JARID2: variants seen among roughly 807,000 people sequenced by gnomAD.
JARID2 encodes the protein jumonji and AT-rich interaction domain containing 2, also known as protein Jumonji.
Under a neutral mutation model 125.6 loss-of-function variants are expected in JARID2, and 21 were observed. That is an observed-to-expected ratio of 0.17 (90% CI 0.12 to 0.24). The LOEUF (loss-of-function observed/expected upper bound fraction) is 0.24, where lower values mean the gene tolerates loss of function less well. JARID2 is among the 10% of genes least tolerant of loss of function. The probability of loss-of-function intolerance (pLI) is 1.00; values close to 1 mark genes in which losing one functional copy is unlikely to be tolerated. For missense variants in JARID2, 1,303 were observed against 1,639.6 expected (o/e 0.79, Z 3.55); for synonymous variants, 736 against 661.6 (o/e 1.11, Z -1.73).
At chr6:15,275,289 AG>A (rs1013021817) in intron 1 of JARID2, among the ~76,000 whole-genome samples, 1 of 152,180 alleles carries the variant, frequency 6.6e-6, no homozygotes, top group African/African-American at 2.4e-5. Flanking sequence ...TTACATAGAC[AG>A]GGTTTTGGAT....
rs1256891926 is a variant in JARID2, at chr6:15,469,294, CTCTGTCTCTG to C, written c.670+580_670+589del. Among the ~76,000 whole-genome samples the C allele has an allele frequency of 2.0e-3, 141 of 71,330 alleles. 1 individual carries two copies. Among genetic ancestry groups the C allele is most frequent in the Middle Eastern group, 7.9e-3 (1 of 126 alleles). The allele number at this position is 71,330 out of a possible 152,430, so 46.8% of individuals were successfully genotyped here. On this transcript the variant is annotated intron_variant, in intron 5 of 17. Transcript: ENST00000341776. ...TCTCTCTGTCTCTCTGTCTCTGTCT[CTCTGTCTCTG>C]TCTCTCTCTCTCTGTCTCTCTCTCT...
At chr6:15,296,762 C>T (rs78723060) in intron 1 of JARID2, among the ~76,000 whole-genome samples, 9,784 of 152,300 alleles carry the variant, frequency 0.064, 364 homozygotes, top group East Asian at 0.1. Flanking sequence ...TGAGCTCTTA[C>T]TTCCTGACAG....
At chr6:15,303,269 A>C (rs1164305313) in intron 1 of JARID2, among the ~76,000 whole-genome samples, 1 of 152,246 alleles carries the variant, frequency 6.6e-6, no homozygotes, top group Non-Finnish European at 1.5e-5. Context: ...TTGAACATTC[A>C]TAGGCATCAC....
chr6:15,337,940 G>A (rs190614153), intron 1 of JARID2, among the ~76,000 whole-genome samples: 1 of 152,262 alleles, frequency 6.6e-6, no homozygotes, highest in African/African-American at 2.4e-5. Context: ...GGGTTCCGAG[G>A]CCAGGCAACA....
At chr6:15,470,360 G>A (rs1769016121) in intron 5 of JARID2, among the ~76,000 whole-genome samples, 1 of 152,180 alleles carries the variant, frequency 6.6e-6, no homozygotes, top group Non-Finnish European at 1.5e-5. Flanking sequence ...AGTGCTGTCT[G>A]TAAGTGATTG....
chr6:15,411,110 C>G (rs1444170629), intron 3 of JARID2, among the ~76,000 whole-genome samples: 11 of 151,866 alleles, frequency 7.2e-5, no homozygotes, highest in African/African-American at 2.2e-4. Context: ...TCCCTTTGTT[C>G]TCTTTATGTT....
chr6:15,441,580 A>G (rs1332289892), intron 3 of JARID2, among the ~76,000 whole-genome samples: 1 of 152,052 alleles, frequency 6.6e-6, no homozygotes, highest in Non-Finnish European at 1.5e-5. Context: ...GAGAGGGAGG[A>G]CATGTAAGAT....
At chr6:15,376,876 TCA>T (rs1764375972) in intron 2 of JARID2, among the ~76,000 whole-genome samples, 1 of 152,114 alleles carries the variant, frequency 6.6e-6, no homozygotes, top group Non-Finnish European at 1.5e-5. Context: ...CAGAGAAAGC[TCA>T]CACAGTAGGG....
rs575834575 is a variant in JARID2, at chr6:15,268,748, T to C, written c.45+22164T>C. Reference sequence around the variant, plus strand: ...GAAATTTTTAACATGGGAGAGCTTCTTCCTGTGCTTCAGTTGGCAGAATGC... The same window carrying C: ...GAAATTTTTAACATGGGAGAGCTTCCTCCTGTGCTTCAGTTGGCAGAATGC... On this transcript the variant is annotated intron_variant, in intron 1 of 17. Transcript: ENST00000341776. 2.6e-5 allele frequency among the ~76,000 whole-genome samples: 4 copies of C among 152,354 alleles called. No individual in the cohort carries two copies. The South Asian group carries it at 8.3e-4, about 32-fold the overall frequency.
chr6:15,407,969 A>C (rs576153505), intron 2 of JARID2, among the ~76,000 whole-genome samples: 7 of 152,250 alleles, frequency 4.6e-5, no homozygotes, highest in African/African-American at 1.7e-4. Context: ...GCTATTGAAA[A>C]AAGGAAACTT....
At chr6:15,276,947 C>A (rs973156752) in intron 1 of JARID2, among the ~76,000 whole-genome samples, 2 of 152,130 alleles carry the variant, frequency 1.3e-5, no homozygotes, top group African/African-American at 2.4e-5. Flanking sequence ...ACCATATGGA[C>A]CAGGGAACAC....
At chr6:15,417,165 A>C (rs1766267903) in intron 3 of JARID2, among the ~76,000 whole-genome samples, 1 of 152,160 alleles carries the variant, frequency 6.6e-6, no homozygotes, top group Non-Finnish European at 1.5e-5. Context: ...TAGGGGGAAG[A>C]GGGTAGAAAA....
rs762421491 is a variant in JARID2 at position 15,496,953 on chromosome 6, G to A, written c.1728G>A (p.Ser576=). 15 of 1,609,530 alleles carry A rather than the reference G, an allele frequency of 9.3e-6. No individual in the cohort carries two copies. The highest frequency in any genetic ancestry group is 2.2e-5 in the South Asian group (2 of 90,698). The part of the protein sequence containing the change: ...EFHDPLIYIE[S]VRAQVEKFGM... ...ACGATCCGCTCATCTACATCGAGTC[G>A]GTCCGCGCTCAGGTGGAGAAGTTCG... Residue 576 remains serine (S), a synonymous_variant, in exon 7 of 18, where the codon TCG becomes TCA. Coordinates refer to ENST00000341776, the MANE Select transcript of JARID2 (RefSeq NM_004973.4).
At chr6:15,370,064 A>AG (rs1764109736) in intron 1 of JARID2, among the ~76,000 whole-genome samples, 1 of 152,166 alleles carries the variant, frequency 6.6e-6, no homozygotes, top group South Asian at 2.1e-4. Flanking sequence ...CAGGGCGAGT[A>AG]GGGGTAAATA....
intron 3 of JARID2, 90 bp from the exon 4 acceptor site, chr6:15,451,916 C>T: frequency 3.2e-6 from 4 of 1,237,754 alleles, no homozygotes; most frequent in Middle Eastern, 2.7e-4. Flanking sequence ...ATCTTTTTTC[C>T]CCTTATGTGT....
chr6:15,506,535 G>A (rs1232604983), intron 9 of JARID2, among the ~76,000 whole-genome samples: 2 of 152,136 alleles, frequency 1.3e-5, no homozygotes, highest in South Asian at 2.1e-4. Context: ...CTTGTGAGAC[G>A]AGGGAAGAGG....
chr6:15,255,795 A>C (rs1759641584), intron 1 of JARID2, among the ~76,000 whole-genome samples: 1 of 152,170 alleles, frequency 6.6e-6, no homozygotes, highest in African/African-American at 2.4e-5. Flanking sequence ...GTGAATGCTT[A>C]TTCTGTTAAG....
At chr6:15,464,415 C>T in intron 4 of JARID2, among the ~76,000 whole-genome samples, 1 of 152,174 alleles carries the variant, frequency 6.6e-6, no homozygotes, top group Non-Finnish European at 1.5e-5. Flanking sequence ...GGTGCCCGAC[C>T]AAATTCTGGA....
At chr6:15,328,364 C>G (rs1762600361) in intron 1 of JARID2, among the ~76,000 whole-genome samples, 1 of 152,216 alleles carries the variant, frequency 6.6e-6, no homozygotes, top group Admixed American at 6.5e-5. Context: ...ACATGTATTA[C>G]TTGCAATTCC....
Sources: allele counts gnomAD v4.1 joint callset (sites outside exome capture counted in the v4.1 genomes callset), GRCh38; gene constraint gnomAD v4.1.1; transcripts MANE v1.5; gene names NCBI Gene and HGNC (gene_info 2026-07-23, HGNC 2026-07-21).